The following PSMC1 variants were observed in gnomAD, a reference collection of about 807,000 sequenced individuals.
PSMC1 encodes proteasome 26S subunit, ATPase 1, also known as 26S proteasome regulatory subunit 4.
In PSMC1, 5 loss-of-function variants were observed where a neutral mutation model predicts 49.8. The observed-to-expected ratio is 0.10, with a 90% CI of 0.05 to 0.21. The LOEUF (loss-of-function observed/expected upper bound fraction) is 0.21, where lower values mean the gene tolerates loss of function less well. Among genes scored for constraint, PSMC1 ranks in the 10% least tolerant of loss-of-function variants. The probability of loss-of-function intolerance (pLI) is 1.00; values close to 1 mark genes in which losing one functional copy is unlikely to be tolerated. For synonymous variants in PSMC1, 155 were observed against 192.1 expected, an observed-to-expected ratio of 0.81 and a Z score of 1.60; for missense variants, 181 against 535.7, an observed-to-expected ratio of 0.34 and a Z score of 6.54.
chr14:90,269,674 T>C (rs1891611693), intron 9 of PSMC1, 126 bp downstream of exon 9: 3 of 1,064,798 alleles, frequency 2.8e-6, no homozygotes, highest in Non-Finnish European at 2.7e-6. Context: ...TAGGATAATT[T>C]ACAAAAAAAT....
chr14:90,259,386 G>C (rs538160890), intron 2 of PSMC1, among the ~76,000 whole-genome samples, 173 bp downstream of exon 2: 36 of 152,294 alleles, frequency 2.4e-4, no homozygotes, highest in Non-Finnish European at 4.6e-4. Context: ...TTTAGAAAAG[G>C]TTATTGACCT....
At chr14:90,264,233 CT>C in intron 6 of PSMC1, 64 bp downstream of exon 6, 1 of 1,591,892 alleles carries the variant, frequency 6.3e-7, no homozygotes, top group South Asian at 1.1e-5. Context: ...ATTTAGGATA[CT>C]TTGCAGGTGT....
Position 90,275,418 on chromosome 14 carries a change from C to A in PSMC1, c.*3011C>A, listed in dbSNP as rs1228238255. 1 of 152,056 alleles carries A rather than the reference C, an allele frequency of 6.6e-6. No individual in the cohort carries two copies. Among genetic ancestry groups the A allele is most frequent in the Non-Finnish European group, 1.5e-5 (1 of 67,994 alleles). The allele number at this position is 152,056 out of a possible 1,614,324, so 9.4% of individuals were successfully genotyped here. ...TTCCTAAGTTTGAGATTAAAAAAAA[C>A]AAAAAACCCCAGCACATCAGTATTG... On this transcript the variant is annotated 3_prime_UTR_variant, in exon 11 of 11. Transcript: ENST00000261303.
intron 1 of PSMC1, among the ~76,000 whole-genome samples, chr14:90,258,951 C>G (rs1448364465): frequency 6.6e-6 from 1 of 152,174 alleles, no homozygotes; most frequent in Non-Finnish European, 1.5e-5. Context: ...CACCAGTAAT[C>G]TATCGAACAT....
At chr14:90,257,054 C>A (rs1023666980) in intron 1 of PSMC1, among the ~76,000 whole-genome samples, 1 of 152,108 alleles carries the variant, frequency 6.6e-6, no homozygotes, top group Admixed American at 6.5e-5. Flanking sequence ...CGTGGAAGGC[C>A]TTTCGGAGCT....
rs1270837131 is a variant in PSMC1, at chr14:90,268,347, G to A, written c.815G>A (p.Arg272Gln). The change falls in exon 8 of 11, where the codon CGA (arginine) becomes CAA (glutamine). Residue 272 changes from arginine to glutamine, a missense_variant. Arg to Gln is a conservative substitution (Grantham distance 43). Around this residue, in one of 3 missense-constraint regions of PSMC1, gnomAD observed 121 missense variants for 358.6 expected, o/e 0.34. Coordinates refer to ENST00000261303, the MANE Select transcript of PSMC1 (RefSeq NM_002802.3). ...CCCAAACTCGTACGGGAATTGTTCC[G>A]AGTTGCTGAAGAACATGCACCGTCC... is the stretch of plus-strand genomic sequence containing the variant. ...DGPKLVRELF[R>Q]VAEEHAPSIV... The A allele has an allele frequency of 3.7e-6, 6 of 1,613,722 alleles. No homozygotes were observed. The highest frequency in any genetic ancestry group is 5.1e-6 in the Non-Finnish European group (6 of 1,179,788).
At chr14:90,258,041 G>C (rs1247425663) in intron 1 of PSMC1, among the ~76,000 whole-genome samples, 2 of 152,206 alleles carry the variant, frequency 1.3e-5, no homozygotes, top group Non-Finnish European at 2.9e-5. Context: ...GTAAGTGGCT[G>C]TGCTGGAACA....
Position 90,265,058 on chromosome 14 carries a change from T to G in PSMC1, c.595-12T>G, listed in dbSNP as rs1386573470. On this transcript the variant is annotated splice_polypyrimidine_tract_variant and intron_variant, in intron 6 of 10. Transcript: ENST00000261303. ...TTTCAGTAAAGCCTTTCATTCATAC[T>G]GTTTTTCATAGGAATCTGTGGAGCT... The G allele has an allele frequency of 6.3e-7, 1 of 1,583,976 alleles. No individual in the cohort carries two copies. The highest frequency in any genetic ancestry group is 1.3e-5 in the African/African-American group (1 of 74,288).
rs1374244227 is a variant in PSMC1 at position 90,274,834 on chromosome 14, A to ACCCCC, written c.*2428_*2429insCCCCC. On this transcript the variant is annotated 3_prime_UTR_variant, in exon 11 of 11. Transcript: ENST00000261303. ...CACACACACACACACACACACACAC[A>ACCCCC]CACACCCCAATACATATGAATTGAT... 1.1e-4 allele frequency: 6 copies of ACCCCC among 54,332 alleles called. No homozygotes were observed. The East Asian group carries it at 3.2e-3, about 29-fold the overall frequency. 3.4% of individuals were successfully genotyped at this position (54,332 alleles called of 1,614,324 possible).
chr14:90,257,931 A>G (rs977025698), intron 1 of PSMC1, among the ~76,000 whole-genome samples: 1 of 152,224 alleles, frequency 6.6e-6, no homozygotes, highest in African/African-American at 2.4e-5. Context: ...TATTCTAAGC[A>G]TGTACCAAGT....
intron 6 of PSMC1, 39 bp downstream of exon 6, chr14:90,264,208 G>T (rs764395631): frequency 4.2e-5 from 68 of 1,607,464 alleles, no homozygotes; most frequent in Admixed American, 1.0e-4. Flanking sequence ...TTTCAGTTTT[G>T]GTTTCTGTTG....
At chr14:90,263,951 G>A in intron 5 of PSMC1, 90 bp from the exon 6 acceptor site, 2 of 1,581,190 alleles carry the variant, frequency 1.3e-6, no homozygotes, top group South Asian at 2.3e-5. Flanking sequence ...CACTCCTCAG[G>A]CAGAAGGATG....
At position 90,272,203 on chromosome 14, in the gene PSMC1, G is replaced by C; in HGVS notation, c.1189-70G>C. 6.4e-7 allele frequency: 1 copy of C among 1,572,512 alleles called. No homozygotes were observed. The highest frequency in any genetic ancestry group is 8.6e-7 in the Non-Finnish European group (1 of 1,161,336). On this transcript the variant is annotated intron_variant, in intron 10 of 10. Coordinates refer to ENST00000261303, the MANE Select transcript of PSMC1 (RefSeq NM_002802.3). This position sits in a 1 kb window ranked among gnomAD's most constrained non-coding sequence, Gnocchi z 4.5. The stretch of plus-strand genomic sequence containing the variant: ...GCCACCGCGCCTGGCCTCAGAATAG[G>C]TTTTTTGGAATTCCTTGTTAGAATA...
chr14:90,267,210 A>G (rs1595044312), intron 7 of PSMC1, among the ~76,000 whole-genome samples: 1 of 151,268 alleles, frequency 6.6e-6, no homozygotes, highest in South Asian at 2.1e-4. Context: ...GCTCACTGCA[A>G]TCTCCGCCTC....
chr14:90,264,957 G>A, intron 6 of PSMC1, 113 bp from the exon 7 acceptor site: 1 of 779,458 alleles, frequency 1.3e-6, no homozygotes, highest in African/African-American at 1.7e-5. Flanking sequence ...TCTCTAAGAA[G>A]AGTAATTGAG....
chr14:90,274,635 G>A lies in PSMC1; in HGVS notation c.*2228G>A. ...AACCCAAAGTCTGTTTTGCCAGAAAGCAAGGGAGTGCTCAAGGAATGATAA... is the reference window on the plus strand; with the variant it reads ...AACCCAAAGTCTGTTTTGCCAGAAAACAAGGGAGTGCTCAAGGAATGATAA... On this transcript the variant is annotated 3_prime_UTR_variant, in exon 11 of 11. Coordinates refer to ENST00000261303, the MANE Select transcript of PSMC1 (RefSeq NM_002802.3). 6.6e-6 allele frequency: 1 copy of A among 152,186 alleles called. No individual in the cohort carries two copies. The highest frequency in any genetic ancestry group is 1.5e-5 in the Non-Finnish European group (1 of 68,090). 9.4% of individuals were successfully genotyped at this position (152,186 alleles called of 1,614,324 possible). A position where few individuals can be genotyped will look rare whatever the true frequency, so the allele number is the denominator to read the frequency against.
At chr14:90,261,647 A>G (rs1891399954) in intron 3 of PSMC1, among the ~76,000 whole-genome samples, 1 of 152,186 alleles carries the variant, frequency 6.6e-6, no homozygotes, top group South Asian at 2.1e-4. Context: ...AAAAGTCAGG[A>G]AACAACAGGT....
chr14:90,272,545 G>A lies in PSMC1; in HGVS notation c.*138G>A. ...AAACATCCTGTGTCTTTTGGAGTAC[G>A]ATGTGTAAGTGCCCATTGGGTGGCC... On this transcript the variant is annotated 3_prime_UTR_variant, in exon 11 of 11. Coordinates refer to ENST00000261303, the MANE Select transcript of PSMC1 (RefSeq NM_002802.3). This position sits in a 1 kb window ranked among gnomAD's most constrained non-coding sequence, Gnocchi z 4.5. The A allele has an allele frequency of 3.3e-6, 2 of 601,648 alleles. No individual in the cohort carries two copies. Among genetic ancestry groups the A allele is most frequent in the South Asian group, 2.1e-5 (1 of 46,888 alleles). 37.3% of individuals were successfully genotyped at this position (601,648 alleles called of 1,614,324 possible).
chr14:90,263,903 G>GGT, intron 5 of PSMC1, 56 bp downstream of exon 5: 2 of 1,605,792 alleles, frequency 1.2e-6, no homozygotes, highest in South Asian at 2.2e-5. Flanking sequence ...TTCTCACTTA[G>GGT]GTTCATCTTC....
Sources: gnomAD v4.1 joint callset for allele counts (sites outside exome capture counted in the v4.1 genomes callset) on GRCh38, gnomAD v4.1.1 for gene constraint, gnomAD v4.1.1 regional missense constraint, Gnocchi (gnomAD v3.1) non-coding constraint, MANE v1.5 for transcripts, NCBI Gene and HGNC (gene_info 2026-07-23, HGNC 2026-07-21) for gene names.